The following EPHA3 variants were observed in gnomAD, a reference collection of about 807,000 sequenced individuals.
EPHA3 encodes the protein EPH receptor A3.
Under a neutral mutation model 107.1 loss-of-function variants are expected in EPHA3, and 42 were observed. The ratio of observed to expected loss-of-function variants is 0.39; its 90% CI spans 0.31 to 0.51. The LOEUF (loss-of-function observed/expected upper bound fraction) is 0.51. Ranked by LOEUF, EPHA3 falls within the 20% of genes least tolerant of loss-of-function variation. The pLI, the probability that EPHA3 is intolerant of heterozygous loss-of-function variation, is 0.78. For missense variants in EPHA3, 1,183 were observed against 1,211.2 expected (o/e 0.98, Z 0.35); for synonymous variants, 461 against 424.8 (o/e 1.09, Z -1.05).
At chr3:89,291,855 C>A (rs188704683) in intron 3 of EPHA3, among the ~76,000 whole-genome samples, 2 of 152,166 alleles carry the variant, frequency 1.3e-5, no homozygotes, top group African/African-American at 4.8e-5. Flanking sequence ...CTTCAACAAA[C>A]TTGTAATCTA....
chr3:89,146,702 C>T (rs1704566785), intron 2 of EPHA3, among the ~76,000 whole-genome samples: 1 of 151,876 alleles, frequency 6.6e-6, no homozygotes, highest in Non-Finnish European at 1.5e-5. Flanking sequence ...GTGTTTTAGT[C>T]ATGAAGTCTT....
At chr3:89,439,031 G>C (rs946387933) in intron 13 of EPHA3, among the ~76,000 whole-genome samples, 1 of 152,160 alleles carries the variant, frequency 6.6e-6, no homozygotes, top group Non-Finnish European at 1.5e-5. Flanking sequence ...AGGCAGAAAA[G>C]TAAAATGAGG....
At chr3:89,260,963 C>G (rs908121622) in intron 3 of EPHA3, among the ~76,000 whole-genome samples, 4 of 152,172 alleles carry the variant, frequency 2.6e-5, no homozygotes, top group African/African-American at 9.7e-5. Context: ...GCTAAGCTAT[C>G]CTGCTGTCTT....
At chr3:89,114,959 A>G (rs1043419434) in intron 1 of EPHA3, among the ~76,000 whole-genome samples, 5 of 152,258 alleles carry the variant, frequency 3.3e-5, no homozygotes, top group Admixed American at 6.5e-5. Context: ...CGCCTTTCGC[A>G]TTGCTGTCAG....
intron 15 of EPHA3, among the ~76,000 whole-genome samples, chr3:89,466,652 G>A (rs1466150301): frequency 6.2e-5 from 8 of 129,306 alleles, no homozygotes; most frequent in South Asian, 2.3e-4. Flanking sequence ...GACCCCTTGC[G>A]CTTCCCAGGT....
At chr3:89,157,714 G>A (rs1008872212) in intron 2 of EPHA3, among the ~76,000 whole-genome samples, 1 of 151,956 alleles carries the variant, frequency 6.6e-6, no homozygotes, top group African/African-American at 2.4e-5. Flanking sequence ...TTGTCCTACA[G>A]GTACTAATTC....
chr3:89,370,201 T>C (rs1256952739), intron 5 of EPHA3, among the ~76,000 whole-genome samples: 1 of 150,948 alleles, frequency 6.6e-6, no homozygotes, highest in Admixed American at 6.6e-5. Context: ...TAAAGACACA[T>C]GCACACCTAT....
At chr3:89,477,517 C>T (rs1427153445) in intron 16 of EPHA3, among the ~76,000 whole-genome samples, 1 of 152,112 alleles carries the variant, frequency 6.6e-6, no homozygotes, top group Non-Finnish European at 1.5e-5. Flanking sequence ...TGCCTAGGAA[C>T]CCATTTCTTA....
chr3:89,138,579 C>T (rs1320270932), intron 2 of EPHA3, among the ~76,000 whole-genome samples: 3 of 151,764 alleles, frequency 2.0e-5, no homozygotes, highest in Non-Finnish European at 2.9e-5. Context: ...GTGTGCCACC[C>T]TAAAATGCTC....
At chr3:89,242,587 A>G (rs1704927953) in intron 3 of EPHA3, among the ~76,000 whole-genome samples, 1 of 151,782 alleles carries the variant, frequency 6.6e-6, no homozygotes, top group Non-Finnish European at 1.5e-5. Context: ...ACGGGCGCCC[A>G]CCACCACACC....
chr3:89,421,526 T>A lies in EPHA3; in HGVS notation c.2074+2136T>A, dbSNP rs150518885. ...CTTTTTAGCTTGAATAGAATCATAA[T>A]CTAACTTCTTCAACATGTGTAATTA... On this transcript the variant is annotated intron_variant, in intron 11 of 16. Transcript: ENST00000336596. 9.7e-3 allele frequency among the ~76,000 whole-genome samples: 1,468 copies of A among 151,358 alleles called. 26 individuals are homozygous for A. The highest frequency in any genetic ancestry group is 0.034 in the African/African-American group (1,404 of 41,448).
At chr3:89,476,277 A>C (rs1364926300) in intron 16 of EPHA3, among the ~76,000 whole-genome samples, 1 of 148,312 alleles carries the variant, frequency 6.7e-6, no homozygotes, top group Non-Finnish European at 1.5e-5. Flanking sequence ...AATGTAAAAC[A>C]GTTTTTTGCA....
chr3:89,113,008 C>A (rs182400876), intron 1 of EPHA3, among the ~76,000 whole-genome samples: 3 of 152,172 alleles, frequency 2.0e-5, no homozygotes, highest in Admixed American at 1.3e-4. Context: ...GCAGGTGTCT[C>A]CTTTTGGGTT....
intron 3 of EPHA3, among the ~76,000 whole-genome samples, chr3:89,315,434 G>A (rs942029412): frequency 1.3e-5 from 2 of 151,662 alleles, no homozygotes; most frequent in African/African-American, 4.8e-5. Context: ...CACCTTCAGG[G>A]ATTAATGAAA....
intron 3 of EPHA3, among the ~76,000 whole-genome samples, chr3:89,242,539 A>G (rs1398063750): frequency 1.3e-5 from 2 of 151,818 alleles, no homozygotes; most frequent in Non-Finnish European, 2.9e-5. Flanking sequence ...CCGGGTTCAC[A>G]CCATTCTCCT....
At chr3:89,317,791 G>C (rs1706944398) in intron 3 of EPHA3, among the ~76,000 whole-genome samples, 1 of 151,654 alleles carries the variant, frequency 6.6e-6, no homozygotes, top group Non-Finnish European at 1.5e-5. Context: ...AAGTTAGAAA[G>C]AGAACATTTT....
In EPHA3 at chr3:89,481,825, G is replaced by A. The variant is rs1710625829; in HGVS notation, c.*2323G>A. The A allele has an allele frequency of 4.3e-6, 1 of 231,648 alleles. No homozygotes were observed. The highest frequency in any genetic ancestry group is 8.6e-6 in the Non-Finnish European group (1 of 116,850). 14.3% of individuals were successfully genotyped at this position (231,648 alleles called of 1,614,324 possible). A position where few individuals can be genotyped will look rare whatever the true frequency, so the allele number is the denominator to read the frequency against. ...TGTACAGGAACTGCATTGACTTTCA[G>A]TAAACATAAAGCCACAACTCCTACA... On this transcript the variant is annotated 3_prime_UTR_variant, in exon 17 of 17. Transcript: ENST00000336596.
intron 5 of EPHA3, among the ~76,000 whole-genome samples, chr3:89,358,973 T>G (rs1455017722): frequency 6.6e-6 from 1 of 151,226 alleles, no homozygotes; most frequent in East Asian, 1.9e-4. Context: ...AGTTGTGCAG[T>G]AAAACTCACC....
chr3:89,214,202 A>C (rs1704173154), intron 3 of EPHA3, among the ~76,000 whole-genome samples: 1 of 151,964 alleles, frequency 6.6e-6, no homozygotes, highest in South Asian at 2.1e-4. Context: ...GCTTGGGCTT[A>C]GGAGTCCTAG....
Sources: gnomAD v4.1 joint callset for allele counts (sites outside exome capture counted in the v4.1 genomes callset) on GRCh38, gnomAD v4.1.1 for gene constraint, MANE v1.5 for transcripts, NCBI Gene and HGNC (gene_info 2026-07-23, HGNC 2026-07-21) for gene names.